Variants in CDH23 observed in about 807,000 individuals in gnomAD.
CDH23 encodes the protein cadherin related 23, also known as cadherin-23.
In CDH23, 189 loss-of-function variants were observed where a neutral mutation model predicts 317.1. That is an observed-to-expected ratio of 0.60 (90% CI 0.53 to 0.67). The LOEUF (loss-of-function observed/expected upper bound fraction) is 0.67, where lower values mean the gene tolerates loss of function less well. Among genes scored for constraint, CDH23 ranks in the 30% least tolerant of loss-of-function variants. The pLI is 0.00. For synonymous variants in CDH23, 1,839 were observed against 1,876.8 expected (o/e 0.98, Z 0.52); for missense variants, 4,401 against 4,592.4 (o/e 0.96, Z 1.20).
At chr10:71,665,905 T>C (rs559854428) in intron 14 of CDH23, among the ~76,000 whole-genome samples, 6 of 152,322 alleles carry the variant, frequency 3.9e-5, no homozygotes, top group African/African-American at 1.4e-4. Flanking sequence ...TCCAACAGGA[T>C]AGCAAAGATG....
intron 38 of CDH23, chr10:71,749,654 C>G (rs1839943097): frequency 6.6e-6 from 1 of 152,338 alleles, no homozygotes; most frequent in Non-Finnish European, 1.5e-5. Context: ...CTGGCCCAGC[C>G]CAGGCAGAGC....
chr10:71,442,970 G>A (rs1022196239), intron 2 of CDH23, among the ~76,000 whole-genome samples: 1 of 152,198 alleles, frequency 6.6e-6, no homozygotes, highest in Admixed American at 6.5e-5. Context: ...GCGAGGCAGA[G>A]GGAGAGGGAT....
chr10:71,500,804 C>CTT (rs1554831251), intron 3 of CDH23, among the ~76,000 whole-genome samples: 1 of 144,194 alleles, frequency 6.9e-6, no homozygotes, highest in Non-Finnish European at 1.5e-5. Flanking sequence ...CTTTTCTTTT[C>CTT]TTTTCTTTTC....
chr10:71,417,522 T>C (rs1478222070), intron 1 of CDH23, among the ~76,000 whole-genome samples: 1 of 152,240 alleles, frequency 6.6e-6, no homozygotes, highest in Non-Finnish European at 1.5e-5. Flanking sequence ...TTAATCTCTC[T>C]CTTTCTTCAG....
intron 30 of CDH23, among the ~76,000 whole-genome samples, chr10:71,727,600 C>T (rs776314017): frequency 3.9e-5 from 6 of 152,152 alleles, no homozygotes; most frequent in Non-Finnish European, 7.4e-5. Flanking sequence ...AGTGAGGGGC[C>T]GGGGAGTACA....
chr10:71,509,523 C>A (rs1036523915), intron 3 of CDH23, among the ~76,000 whole-genome samples: 2 of 152,140 alleles, frequency 1.3e-5, no homozygotes, highest in Non-Finnish European at 2.9e-5. Flanking sequence ...TTGTGTGGTG[C>A]CAAAGATGGC....
chr10:71,418,419 T>G (rs1018149682), intron 1 of CDH23, among the ~76,000 whole-genome samples: 1 of 152,178 alleles, frequency 6.6e-6, no homozygotes, highest in African/African-American at 2.4e-5. Flanking sequence ...TCATCCACAG[T>G]CCATCAGCAA....
At chr10:71,759,994 CACACAT>C (rs1392721799) in intron 38 of CDH23, among the ~76,000 whole-genome samples, 7 of 75,760 alleles carry the variant, frequency 9.2e-5, no homozygotes, top group East Asian at 3.5e-4. Context: ...TATATACACA[CACACAT>C]ACATATATAT....
chr10:71,810,172 G>A (rs1167661107), intron 61 of CDH23, 96 bp downstream of exon 61: 4 of 1,438,742 alleles, frequency 2.8e-6, no homozygotes, highest in African/African-American at 1.4e-5. Flanking sequence ...AAAGGCCAGG[G>A]CGTGAAAGGC....
At chr10:71,723,927 C>T in intron 28 of CDH23, 118 bp from the exon 29 acceptor site, 1 of 1,148,214 alleles carries the variant, frequency 8.7e-7, no homozygotes. Context: ...CTGAGGGAGA[C>T]CACAGGTTTT....
In CDH23 at chr10:71,724,047, G is replaced by A; in HGVS notation, c.3372G>A (p.Leu1124=). 6.4e-7 allele frequency: 1 copy of A among 1,558,698 alleles called. No individual in the cohort carries two copies. Among genetic ancestry groups the A allele is most frequent in the Non-Finnish European group, 8.7e-7 (1 of 1,150,806 alleles). ...DIPEGHSILQ[L]KATDADEGEF... Reference sequence around the variant, plus strand: ...ACTCGTGTCTCATTCTTCCTCAGCTGAAAGCCACGGACGCAGATGAGGGCG... The same window carrying A: ...ACTCGTGTCTCATTCTTCCTCAGCTAAAAGCCACGGACGCAGATGAGGGCG... Residue 1124 remains leucine (L), a splice_region_variant and synonymous_variant, in exon 29 of 70, where the codon CTG becomes CTA. Coordinates refer to ENST00000224721, the MANE Select transcript of CDH23 (RefSeq NM_022124.6).
At chr10:71,726,964 CA>C in intron 30 of CDH23, among the ~76,000 whole-genome samples, 1 of 152,334 alleles carries the variant, frequency 6.6e-6, no homozygotes, top group East Asian at 1.9e-4. Flanking sequence ...CAGTGTAAAA[CA>C]GATCGAAGCC....
chr10:71,515,394 T>TCTCTCTCTCTCTCTCTCTCACA (rs1491490493), intron 6 of CDH23, among the ~76,000 whole-genome samples: 16 of 26,684 alleles, frequency 6.0e-4, no homozygotes, highest in African/African-American at 1.4e-3. Context: ...TCTCTCTCTC[T>TCTCTCTCTCTCTCTCTCTCACA]CACACACACA....
chr10:71,698,518 C>T (rs1865473172), intron 22 of CDH23, among the ~76,000 whole-genome samples: 1 of 151,068 alleles, frequency 6.6e-6, no homozygotes, highest in Non-Finnish European at 1.5e-5. Context: ...CCTTCCCACA[C>T]CCACCGCACA....
chr10:71,683,626 G>A (rs1482115805), intron 18 of CDH23, among the ~76,000 whole-genome samples: 2 of 152,220 alleles, frequency 1.3e-5, no homozygotes, highest in African/African-American at 4.8e-5. Context: ...TTCCAGTTGG[G>A]CATGTGGGAG....
At chr10:71,451,797 C>T (rs958317709) in intron 3 of CDH23, among the ~76,000 whole-genome samples, 1 of 152,234 alleles carries the variant, frequency 6.6e-6, no homozygotes, top group African/African-American at 2.4e-5. Flanking sequence ...GGGCCTAGCC[C>T]TGCGCCTGGT....
At chr10:71,571,284 G>A (rs913780264) in intron 8 of CDH23, among the ~76,000 whole-genome samples, 1 of 152,232 alleles carries the variant, frequency 6.6e-6, no homozygotes, top group Non-Finnish European at 1.5e-5. Flanking sequence ...TGGCTCAGCC[G>A]TGTCTCTGCC....
chr10:71,603,950 C>G (rs112550085), intron 9 of CDH23, among the ~76,000 whole-genome samples: 2,235 of 152,264 alleles, frequency 0.015, 54 homozygotes, highest in African/African-American at 0.051. Flanking sequence ...GGCAGAAGCA[C>G]GCATCTTCCC....
rs1016330999 is a variant in CDH23 at position 71,811,419 on chromosome 10, A to T, written c.9182A>T (p.Asp3061Val). 9.9e-6 allele frequency: 16 copies of T among 1,613,920 alleles called. No homozygotes were observed. The highest frequency in any genetic ancestry group is 1.7e-5 in the Admixed American group (1 of 60,014). ...GCCATCTCTGTCCGGCTGCCGGATG[A>T]CATGTCTGCCCTGCAGGTACCCGGC... ...QPAISVRLPD[D>V]MSALQMAIIV... Residue 3061 changes from aspartate (D) to valine (V), a missense_variant, in exon 63 of 70, where the codon GAC becomes GTC. By Grantham distance (152) the Asp-to-Val change is radical. Transcript: ENST00000224721.
Sources: allele counts gnomAD v4.1 joint callset (sites outside exome capture counted in the v4.1 genomes callset), GRCh38; gene constraint gnomAD v4.1.1; transcripts MANE v1.5; gene names NCBI Gene and HGNC (gene_info 2026-07-23, HGNC 2026-07-21).